Variants in ADGRV1 observed in about 807,000 individuals in gnomAD.
The protein encoded by ADGRV1 is G-protein coupled receptor 98.
In ADGRV1, 359 loss-of-function variants were observed where a neutral mutation model predicts 596.2. That is an observed-to-expected ratio of 0.60 (90% CI 0.55 to 0.66). The LOEUF is 0.66. Ranked by LOEUF, ADGRV1 falls within the 30% of genes least tolerant of loss-of-function variation. ADGRV1 has a pLI of 0.00. For synonymous variants in ADGRV1, 2,681 were observed against 2,679.2 expected (o/e 1.00, Z -0.02); for missense variants, 7,274 against 7,575.6 (o/e 0.96, Z 1.48).
chr5:90,966,953 T>G (rs982438469), intron 84 of ADGRV1, among the ~76,000 whole-genome samples: 1 of 152,212 alleles, frequency 6.6e-6, no homozygotes, highest in African/African-American at 2.4e-5. Context: ...GGCCCTTGCA[T>G]ATTCTTTTTT....
Position 90,811,232 on chromosome 5 carries a change from GC to G in ADGRV1, c.15973del (p.Gln5325ArgfsTer44). 1 of 1,612,762 alleles carries G rather than the reference GC, an allele frequency of 6.2e-7. No homozygotes were observed. On this transcript the variant is annotated frameshift_variant, in exon 74 of 90. Coordinates refer to ENST00000405460, the MANE Select transcript of ADGRV1 (RefSeq NM_032119.4). LOFTEE classifies it high-confidence loss of function. ...QILDDDEPEGQEFFYVFLTNP... is the reference protein window; with the variant it reads ...QILDDDEPEGXEFFYVFLTNP... The stretch of plus-strand genomic sequence containing the variant: ...TTTTGGATGATGATGAGCCTGAGGG[GC>G]AGGAATTCTTCTACGTGTTTCTCAC...
chr5:90,781,377 A>AT, intron 64 of ADGRV1, 53 bp from the exon 65 acceptor site: 1 of 1,354,318 alleles, frequency 7.4e-7, no homozygotes, highest in Non-Finnish European at 1.0e-6. Flanking sequence ...GCAATTATGT[A>AT]TTTTTTGTTG....
intron 85 of ADGRV1, among the ~76,000 whole-genome samples, chr5:91,014,030 A>G (rs1329317573): frequency 6.6e-6 from 1 of 151,352 alleles, no homozygotes; most frequent in Non-Finnish European, 1.5e-5. Flanking sequence ...ATGTGGCCTT[A>G]TTTCTGGGCT....
intron 4 of ADGRV1, among the ~76,000 whole-genome samples, chr5:90,620,733 C>A (rs143605879): frequency 0.022 from 3,273 of 152,226 alleles, 103 homozygotes; most frequent in African/African-American, 0.073. Flanking sequence ...GGTTTTAGGT[C>A]TAACAGGTAA....
chr5:90,962,178 A>G (rs1224240192), intron 83 of ADGRV1, among the ~76,000 whole-genome samples: 1 of 152,232 alleles, frequency 6.6e-6, no homozygotes, highest in Non-Finnish European at 1.5e-5. Flanking sequence ...ACAAACAATA[A>G]TAGTTTCACA....
chr5:91,081,763 G>A (rs992194150), intron 86 of ADGRV1, among the ~76,000 whole-genome samples: 3 of 152,076 alleles, frequency 2.0e-5, no homozygotes, highest in Non-Finnish European at 4.4e-5. Flanking sequence ...TTCAGCCTGA[G>A]CAACAAGAGT....
intron 83 of ADGRV1, among the ~76,000 whole-genome samples, chr5:90,943,508 A>G (rs1279285200): frequency 6.6e-6 from 1 of 152,068 alleles, no homozygotes; most frequent in South Asian, 2.1e-4. Context: ...TTAAGATCAC[A>G]GCTAAAATGT....
intron 85 of ADGRV1, among the ~76,000 whole-genome samples, chr5:91,055,125 A>G (rs990629160): frequency 2.0e-5 from 3 of 152,164 alleles, no homozygotes; most frequent in South Asian, 2.1e-4. Context: ...GAGCCTTCAC[A>G]TTTAACTCAC....
Position 90,717,868 on chromosome 5 carries a change from C to T in ADGRV1, c.9447+1139C>T, listed in dbSNP as rs1750357257. The T allele has an allele frequency of 2.0e-5, 3 of 152,188 alleles. No homozygotes were observed. In the East Asian group the frequency reaches 5.8e-4, roughly 29 times the overall value. The allele number at this position is 152,188 out of a possible 1,614,324, so 9.4% of individuals were successfully genotyped here. ...GTTTCACCATATTGGCCAGTCTGGT[C>T]CCAAACTCCTGGTGCCAAGTGATCT... is the stretch of plus-strand genomic sequence containing the variant. On this transcript the variant is annotated intron_variant, in intron 43 of 89. Transcript: ENST00000405460.
intron 83 of ADGRV1, among the ~76,000 whole-genome samples, chr5:90,869,845 G>A (rs529328669): frequency 6.6e-6 from 1 of 152,198 alleles, no homozygotes; most frequent in South Asian, 2.1e-4. Context: ...CTTGCCATAG[G>A]TCACATAGTG....
chr5:90,997,320 T>C (rs921933883), intron 85 of ADGRV1, among the ~76,000 whole-genome samples: 2 of 152,190 alleles, frequency 1.3e-5, no homozygotes, highest in African/African-American at 4.8e-5. Flanking sequence ...TGTCTTGCGA[T>C]AGAGTTCTCA....
chr5:90,910,751 C>T (rs1772812468), intron 83 of ADGRV1, among the ~76,000 whole-genome samples: 2 of 151,952 alleles, frequency 1.3e-5, no homozygotes, highest in South Asian at 4.2e-4. Context: ...TACAGGTACT[C>T]CCAGTGAGGG....
intron 86 of ADGRV1, among the ~76,000 whole-genome samples, chr5:91,074,079 G>A (rs1247655071): frequency 3.9e-5 from 6 of 152,074 alleles, no homozygotes; most frequent in African/African-American, 1.2e-4. Flanking sequence ...ACTTTTTCAC[G>A]GGACACAGAA....
chr5:90,966,562 A>G (rs1249347809), intron 84 of ADGRV1, among the ~76,000 whole-genome samples: 2 of 151,450 alleles, frequency 1.3e-5, no homozygotes, highest in Admixed American at 1.3e-4. Context: ...AGAAAGAAAG[A>G]AAGAAATGCA....
At chr5:91,148,028 C>T (rs530267004) in intron 87 of ADGRV1, among the ~76,000 whole-genome samples, 15 of 152,236 alleles carry the variant, frequency 9.9e-5, no homozygotes, top group Non-Finnish European at 1.8e-4. Context: ...TCATTTTACC[C>T]CCTCCCTAGA....
chr5:90,796,984 G>C (rs904352718), intron 70 of ADGRV1, among the ~76,000 whole-genome samples: 1 of 151,982 alleles, frequency 6.6e-6, no homozygotes, highest in African/African-American at 2.4e-5. Flanking sequence ...ACTAAACATG[G>C]AAAGTAAAAC....
rs1765408260 is a variant in ADGRV1 at position 90,630,872 on chromosome 5, AAACT to A, written c.1839+1338_1839+1341del. Reference sequence around the variant, plus strand: ...TGTGTGTTGAATGTTGAGTTTAGCTAAACTAACTGCTTTCTGTGCTTGTTTCACA... The same window carrying A: ...TGTGTGTTGAATGTTGAGTTTAGCTAAACTGCTTTCTGTGCTTGTTTCACA... On this transcript the variant is annotated intron_variant, in intron 9 of 89. Transcript: ENST00000405460. Among the ~76,000 whole-genome samples, 3 of 152,236 alleles carry A rather than the reference AAACT, an allele frequency of 2.0e-5. No individual in the cohort carries two copies. In the East Asian group the frequency reaches 5.8e-4, roughly 29 times the overall value.
intron 16 of ADGRV1, 61 bp downstream of exon 16, chr5:90,646,152 ATATATGCACGTGCATATATACATT>A (rs543001722): frequency 4.9e-5 from 62 of 1,252,630 alleles, no homozygotes; most frequent in African/African-American, 3.0e-4. Flanking sequence ...ATATAAATGT[ATATATGCACGTGCATATATACATT>A]TATATGCACG....
At chr5:90,943,451 T>C (rs1257402166) in intron 83 of ADGRV1, among the ~76,000 whole-genome samples, 1 of 152,128 alleles carries the variant, frequency 6.6e-6, no homozygotes, top group East Asian at 1.9e-4. Flanking sequence ...TTCCCTGACC[T>C]GCATAATCTC....
Sources: gnomAD v4.1 joint callset for allele counts (sites outside exome capture counted in the v4.1 genomes callset) on GRCh38, gnomAD v4.1.1 for gene constraint, MANE v1.5 for transcripts, NCBI Gene and HGNC (gene_info 2026-07-23, HGNC 2026-07-21) for gene names.